Variants in BRIP1 observed in about 807,000 individuals in gnomAD.
The protein encoded by BRIP1 is Fanconi anemia group J protein.
In BRIP1, 88 loss-of-function variants were observed where a neutral mutation model predicts 119.7. The ratio of observed to expected loss-of-function variants is 0.74; its 90% CI spans 0.62 to 0.88. BRIP1 has a LOEUF of 0.88. Among genes scored for constraint, BRIP1 ranks in the 40% least tolerant of loss-of-function variants. The pLI, the probability that BRIP1 is intolerant of heterozygous loss-of-function variation, is 0.00. For missense variants in BRIP1, 1,259 were observed against 1,455.4 expected (o/e 0.87, Z 2.20); for synonymous variants, 443 against 496.5 (o/e 0.89, Z 1.43).
At position 61,754,387 on chromosome 17, in the gene BRIP1, T is replaced by C. The variant is rs2077173012; in HGVS notation, c.2098-9796A>G. ...TGCTTCCTCTCTTCCTTTACACTTT[T>C]ACTCACTGTCACCTTCTCAGATAGG... On this transcript the variant is annotated intron_variant, in intron 14 of 19. Transcript: ENST00000259008. The surrounding 1 kb of genome is among the most constrained non-coding windows in gnomAD (Gnocchi z 4.1). Among the ~76,000 whole-genome samples the C allele has an allele frequency of 1.3e-5, 2 of 152,126 alleles. No individual in the cohort carries two copies. Among genetic ancestry groups the C allele is most frequent in the Admixed American group, 1.3e-4 (2 of 15,266 alleles).
At chr17:61,792,186 T>G (rs553171839) in intron 10 of BRIP1, among the ~76,000 whole-genome samples, 1 of 152,178 alleles carries the variant, frequency 6.6e-6, no homozygotes, top group Non-Finnish European at 1.5e-5. Flanking sequence ...GTTCAAGCAA[T>G]CTTCCTGCCT....
At chr17:61,858,029 T>G (rs867733404) in intron 3 of BRIP1, among the ~76,000 whole-genome samples, 5 of 152,292 alleles carry the variant, frequency 3.3e-5, no homozygotes, top group Middle Eastern at 6.8e-3. Flanking sequence ...TTTGATGTAT[T>G]AATTCTGATA....
In BRIP1 at chr17:61,684,185, T is replaced by A. The variant is rs2144095530; in HGVS notation, c.2906-45A>T. The A allele has an allele frequency of 6.3e-7, 1 of 1,587,906 alleles. No individual in the cohort carries two copies. The highest frequency in any genetic ancestry group is 8.6e-7 in the Non-Finnish European group (1 of 1,159,520). On this transcript the variant is annotated intron_variant, in intron 19 of 19. Transcript: ENST00000259008. This position sits in a 1 kb window ranked among gnomAD's most constrained non-coding sequence, Gnocchi z 4.5. ...AGAGATTTAACTTTCTGCTCCTAGC[T>A]AACATAATTGCTAGGTTAAAATAAT...
intron 16 of BRIP1, among the ~76,000 whole-genome samples, chr17:61,731,376 CAG>C (rs1393155996): frequency 6.6e-6 from 1 of 152,124 alleles, no homozygotes; most frequent in African/African-American, 2.4e-5. Context: ...ACACTATAAC[CAG>C]AAGTCCACTC....
intron 6 of BRIP1, among the ~76,000 whole-genome samples, chr17:61,830,880 T>C (rs2078483371): frequency 6.6e-6 from 1 of 152,154 alleles, no homozygotes; most frequent in Non-Finnish European, 1.5e-5. Flanking sequence ...TAACAAAATT[T>C]AGCAAGTCAA....
chr17:61,787,030 A>G (rs1327784730), intron 10 of BRIP1, among the ~76,000 whole-genome samples: 1 of 115,540 alleles, frequency 8.7e-6, no homozygotes, highest in Admixed American at 1.1e-4. Context: ...TTATTTATAA[A>G]TAAATTTATA....
chr17:61,825,789 G>A lies in BRIP1; in HGVS notation c.628-17032C>T, dbSNP rs1171231813. On this transcript the variant is annotated intron_variant, in intron 6 of 19. Coordinates refer to ENST00000259008, the MANE Select transcript of BRIP1 (RefSeq NM_032043.3). The surrounding 1 kb of genome is among the most constrained non-coding windows in gnomAD (Gnocchi z 4.1). ...AATGAAAAAACCTTCCATGTTCATG[G>A]ATAGGAATAATCAGTATCATTAAAA... is the stretch of plus-strand genomic sequence containing the variant. 6.6e-6 allele frequency among the ~76,000 whole-genome samples: 1 copy of A among 152,026 alleles called. No individual in the cohort carries two copies. Among genetic ancestry groups the A allele is most frequent in the Non-Finnish European group, 1.5e-5 (1 of 68,010 alleles).
In BRIP1 at chr17:61,687,221, C is replaced by G; in HGVS notation, c.2576-1056G>C. Among the ~76,000 whole-genome samples the G allele has an allele frequency of 6.6e-6, 1 of 152,054 alleles. No individual in the cohort carries two copies. The highest frequency in any genetic ancestry group is 1.9e-4 in the East Asian group (1 of 5,202). ...CGTCACTGCACTCCAGCCTGGGCAA[C>G]AGAGTAAGACCTGTCTCTAAAAAAG... On this transcript the variant is annotated intron_variant, in intron 18 of 19. Transcript: ENST00000259008. The surrounding 1 kb of genome is among the most constrained non-coding windows in gnomAD (Gnocchi z 5.1).
At chr17:61,838,186 A>T (rs537470108) in intron 6 of BRIP1, among the ~76,000 whole-genome samples, 2 of 152,292 alleles carry the variant, frequency 1.3e-5, no homozygotes, top group South Asian at 2.1e-4. Flanking sequence ...ATTTCTATTT[A>T]AAAAATACTG....
rs371007389 is a variant in BRIP1 at position 61,848,486 on chromosome 17, A to T, written c.507+643T>A. ...CTCAGCCTCCCAGAGTGCTGGGATTACAGTCGTGAGCCACTGTATTCAGCC... is the reference window on the plus strand; with the variant it reads ...CTCAGCCTCCCAGAGTGCTGGGATTTCAGTCGTGAGCCACTGTATTCAGCC... On this transcript the variant is annotated intron_variant, in intron 5 of 19. Transcript: ENST00000259008. The surrounding 1 kb of genome is among the most constrained non-coding windows in gnomAD (Gnocchi z 4.3). Among the ~76,000 whole-genome samples, 227 of 152,274 alleles carry T rather than the reference A, an allele frequency of 1.5e-3. 6 individuals are homozygous for T. The South Asian group carries it at 0.039, about 26-fold the overall frequency.
Position 61,845,267 on chromosome 17 carries a change from A to G in BRIP1, c.627+1834T>C, listed in dbSNP as rs897939816. On this transcript the variant is annotated intron_variant, in intron 6 of 19. Transcript: ENST00000259008. The surrounding 1 kb of genome is among the most constrained non-coding windows in gnomAD (Gnocchi z 4.2). Reference sequence around the variant, plus strand: ...ACAAAACACAAATTAAATGTACAGTAACTGAAAACAAATCTGTGGTTGCCT... The same window carrying G: ...ACAAAACACAAATTAAATGTACAGTGACTGAAAACAAATCTGTGGTTGCCT... 1.3e-5 allele frequency among the ~76,000 whole-genome samples: 2 copies of G among 152,234 alleles called. No homozygotes were observed. The highest frequency in any genetic ancestry group is 6.5e-5 in the Admixed American group (1 of 15,290).
At position 61,729,023 on chromosome 17, in the gene BRIP1, G is replaced by A. The variant is rs2076807800; in HGVS notation, c.2380-12960C>T. Among the ~76,000 whole-genome samples the A allele has an allele frequency of 6.6e-6, 1 of 152,164 alleles. No homozygotes were observed. The highest frequency in any genetic ancestry group is 2.1e-4 in the South Asian group (1 of 4,828). The stretch of plus-strand genomic sequence containing the variant: ...AAAACAGAAAGGAGGACGGGCGGCT[G>A]TAACCCCAGCACTTTGGGAGGCTGA... On this transcript the variant is annotated intron_variant, in intron 16 of 19. Transcript: ENST00000259008. The surrounding 1 kb of genome is among the most constrained non-coding windows in gnomAD (Gnocchi z 5.6).
intron 10 of BRIP1, among the ~76,000 whole-genome samples, chr17:61,786,790 G>C (rs1236196699): frequency 1.6e-5 from 2 of 123,562 alleles, no homozygotes; most frequent in African/African-American, 3.1e-5. Flanking sequence ...ATATAATATA[G>C]TATATATTAT....
intron 5 of BRIP1, 81 bp from the exon 6 acceptor site, chr17:61,847,301 C>G: frequency 6.7e-7 from 1 of 1,482,438 alleles, no homozygotes; most frequent in South Asian, 1.2e-5. Flanking sequence ...CAAAACAGCT[C>G]TATGTATTTT....
At position 61,757,968 on chromosome 17, in the gene BRIP1, T is replaced by C. The variant is rs552927119; in HGVS notation, c.2098-13377A>G. ...GTGATTGTACCACCACATTCTAGCC[T>C]GGGCAACAGAATGAGACACTGTCTT... On this transcript the variant is annotated intron_variant, in intron 14 of 19. Coordinates refer to ENST00000259008, the MANE Select transcript of BRIP1 (RefSeq NM_032043.3). The surrounding 1 kb of genome is among the most constrained non-coding windows in gnomAD (Gnocchi z 4.3). Among the ~76,000 whole-genome samples, 3 of 150,128 alleles carry C rather than the reference T, an allele frequency of 2.0e-5. No homozygotes were observed. The South Asian group carries it at 6.3e-4, about 32-fold the overall frequency.
chr17:61,729,427 A>C lies in BRIP1; in HGVS notation c.2380-13364T>G, dbSNP rs1462848447. On this transcript the variant is annotated intron_variant, in intron 16 of 19. Transcript: ENST00000259008. This position sits in a 1 kb window ranked among gnomAD's most constrained non-coding sequence, Gnocchi z 5.6. ...TAATGTAACTATCTTGGGAGGCTAT[A>C]AGAAGGAAAAAGCAGAGTAAGTGAG... is the stretch of plus-strand genomic sequence containing the variant. Among the ~76,000 whole-genome samples the C allele has an allele frequency of 1.0e-5, 1 of 95,686 alleles. No individual in the cohort carries two copies. Among genetic ancestry groups the C allele is most frequent in the African/African-American group, 3.7e-5 (1 of 26,922 alleles). 62.8% of individuals were successfully genotyped at this position (95,686 alleles called of 152,430 possible).
At chr17:61,719,443 G>A (rs886792929) in intron 16 of BRIP1, among the ~76,000 whole-genome samples, 7 of 151,984 alleles carry the variant, frequency 4.6e-5, no homozygotes, top group African/African-American at 1.7e-4. Flanking sequence ...TGTTAATCTC[G>A]GCCAGGCACG....
chr17:61,854,542 A>T (rs144519382), intron 4 of BRIP1, among the ~76,000 whole-genome samples: 24,088 of 151,706 alleles, frequency 0.16, 2,428 homozygotes, highest in East Asian at 0.55. Flanking sequence ...CCCCATCTCT[A>T]CTAAAAATAC....
intron 10 of BRIP1, among the ~76,000 whole-genome samples, chr17:61,792,801 C>T (rs184026433): frequency 1.8e-4 from 27 of 152,182 alleles, no homozygotes; most frequent in African/African-American, 6.5e-4. Context: ...AAGGGGTAAA[C>T]CTTAAGGTAA....
Sources: gnomAD v4.1 joint callset for allele counts (sites outside exome capture counted in the v4.1 genomes callset) on GRCh38, gnomAD v4.1.1 for gene constraint, Gnocchi (gnomAD v3.1) non-coding constraint, MANE v1.5 for transcripts, NCBI Gene and HGNC (gene_info 2026-07-23, HGNC 2026-07-21) for gene names.